The following PDE4D variants were observed in gnomAD, a reference collection of about 807,000 sequenced individuals.
PDE4D encodes phosphodiesterase 4D, also known as 3',5'-cyclic-AMP phosphodiesterase 4D.
Under a neutral mutation model 87.4 loss-of-function variants are expected in PDE4D, and 24 were observed. The observed-to-expected ratio is 0.27, with a 90% CI of 0.20 to 0.39. The LOEUF (loss-of-function observed/expected upper bound fraction) is 0.39, where lower values mean the gene tolerates loss of function less well. Among genes scored for constraint, PDE4D ranks in the 10% least tolerant of loss-of-function variants. The probability of loss-of-function intolerance (pLI) is 1.00; values close to 1 mark genes in which losing one functional copy is unlikely to be tolerated. For missense variants in PDE4D, 714 were observed against 1,041.0 expected (o/e 0.69, Z 4.32); for synonymous variants, 384 against 383.2 (o/e 1.00, Z -0.02).
intron 1 of PDE4D, among the ~76,000 whole-genome samples, chr5:59,881,895 A>C (rs763126013): frequency 1.3e-5 from 2 of 152,240 alleles, no homozygotes; most frequent in Non-Finnish European, 2.9e-5. Flanking sequence ...GCTTGAATCA[A>C]GATCTGAAGT....
At chr5:59,400,744 AT>A (rs1443301874) in intron 1 of PDE4D, among the ~76,000 whole-genome samples, 1 of 52,176 alleles carries the variant, frequency 1.9e-5, no homozygotes, top group Admixed American at 1.7e-4. Flanking sequence ...AATAAAAAAA[AT>A]AAAAAAATAA....
At chr5:59,764,557 T>G (rs1018011726) in intron 1 of PDE4D, among the ~76,000 whole-genome samples, 1 of 151,564 alleles carries the variant, frequency 6.6e-6, no homozygotes, top group African/African-American at 2.4e-5. Context: ...AAATGGATCA[T>G]GAAAACCCAA....
rs754869518 is a variant in PDE4D at position 59,754,797 on chromosome 5, ATTTTTTTT to A, written c.455+138363_455+138370del. 1.0e-4 allele frequency among the ~76,000 whole-genome samples: 10 copies of A among 96,912 alleles called. 1 individual carries two copies. The highest frequency in any genetic ancestry group is 2.9e-4 in the African/African-American group (7 of 24,126). The allele number at this position is 96,912 out of a possible 152,430, so 63.6% of individuals were successfully genotyped here. On this transcript the variant is annotated intron_variant, in intron 1 of 14. Coordinates refer to ENST00000340635, the MANE Select transcript of PDE4D (RefSeq NM_001104631.2). ...GCAGGTACAGAATTTTCCACAGAAC[ATTTTTTTT>A]TTTTTTTTTTTTTTTTTTTTGCATC...
At chr5:59,516,004 G>A (rs1002878847) in intron 1 of PDE4D, among the ~76,000 whole-genome samples, 5 of 152,150 alleles carry the variant, frequency 3.3e-5, no homozygotes, top group African/African-American at 1.2e-4. Context: ...GAACTTTACG[G>A]TGAAATAAAA....
chr5:60,352,232 A>G (rs1388573264), intron 1 of PDE4D, among the ~76,000 whole-genome samples: 1 of 152,206 alleles, frequency 6.6e-6, no homozygotes, highest in Non-Finnish European at 1.5e-5. Context: ...CCCAAGGCAC[A>G]GTAGTGAGCC....
chr5:59,230,348 G>A (rs1754886072), intron 1 of PDE4D, among the ~76,000 whole-genome samples: 1 of 152,100 alleles, frequency 6.6e-6, no homozygotes, highest in African/African-American at 2.4e-5. Context: ...TTGAAGAGGG[G>A]TGATCTTCAA....
intron 5 of PDE4D, among the ~76,000 whole-genome samples, chr5:59,099,513 TTA>T (rs1770363961): frequency 6.6e-6 from 1 of 152,186 alleles, no homozygotes; most frequent in Non-Finnish European, 1.5e-5. Context: ...ATGTACATGT[TTA>T]CATGGCCACT....
At chr5:60,208,815 G>A (rs1018927083) in intron 1 of PDE4D, among the ~76,000 whole-genome samples, 2 of 151,996 alleles carry the variant, frequency 1.3e-5, no homozygotes, top group African/African-American at 4.8e-5. Context: ...TTTGAGAACC[G>A]TTATCCTAGA....
chr5:59,566,490 C>G (rs983997913), intron 1 of PDE4D, among the ~76,000 whole-genome samples: 8 of 150,786 alleles, frequency 5.3e-5, no homozygotes, highest in African/African-American at 2.0e-4. Context: ...ATTTTTGAAC[C>G]CTGTGTGTCT....
At chr5:59,075,075 A>AACACACACACAC (rs70973189) in intron 5 of PDE4D, among the ~76,000 whole-genome samples, 24 of 129,796 alleles carry the variant, frequency 1.8e-4, no homozygotes, top group African/African-American at 5.8e-4. Context: ...AAGCTTACAA[A>AACACACACACAC]ACACACACAC....
At chr5:59,862,879 C>T (rs138557886) in intron 1 of PDE4D, among the ~76,000 whole-genome samples, 19 of 152,206 alleles carry the variant, frequency 1.2e-4, no homozygotes, top group Middle Eastern at 3.4e-3. Flanking sequence ...AAAAGGGCAA[C>T]GGAAAATTAC....
chr5:60,379,052 G>T (rs1317235579), intron 1 of PDE4D, among the ~76,000 whole-genome samples: 2 of 152,098 alleles, frequency 1.3e-5, no homozygotes, highest in African/African-American at 4.8e-5. Flanking sequence ...TGGTTACCCT[G>T]CCTTGGACAA....
intron 1 of PDE4D, among the ~76,000 whole-genome samples, chr5:59,265,197 C>T (rs1184861354): frequency 1.3e-5 from 2 of 151,960 alleles, no homozygotes; most frequent in African/African-American, 4.8e-5. Context: ...AGAGATAATG[C>T]TCAGGTAGCT....
At chr5:59,034,447 G>A (rs1758141536) in intron 6 of PDE4D, among the ~76,000 whole-genome samples, 1 of 152,104 alleles carries the variant, frequency 6.6e-6, no homozygotes, top group Non-Finnish European at 1.5e-5. Flanking sequence ...TTACACTGTA[G>A]TTGCATAATG....
intron 1 of PDE4D, among the ~76,000 whole-genome samples, chr5:59,639,418 C>T (rs1356277681): frequency 6.7e-6 from 1 of 149,992 alleles, no homozygotes; most frequent in African/African-American, 2.5e-5. Flanking sequence ...AGAGAAAAGA[C>T]TAAAAGACTA....
intron 2 of PDE4D, among the ~76,000 whole-genome samples, chr5:60,077,541 C>T (rs926862884): frequency 2.6e-5 from 4 of 152,100 alleles, no homozygotes; most frequent in African/African-American, 9.7e-5. Context: ...AGGCTGGGGC[C>T]CCTGGAGAGG....
At chr5:59,212,119 G>A (rs143468172) in intron 2 of PDE4D, among the ~76,000 whole-genome samples, 124 of 152,088 alleles carry the variant, frequency 8.2e-4, no homozygotes, top group African/African-American at 2.8e-3. Flanking sequence ...TCTATAAAGC[G>A]CAGTTGAATT....
rs1047598945 is a variant in PDE4D at position 59,435,082 on chromosome 5, A to G, written c.456-219114T>C. Among the ~76,000 whole-genome samples the G allele has an allele frequency of 4.6e-5, 7 of 152,196 alleles. 1 individual carries two copies. In the South Asian group the frequency reaches 1.5e-3, roughly 32 times the overall value. Reference sequence around the variant, plus strand: ...TTCATCTGATTCCAGAGACCAGACTATATCTTCTACCTCTCTACACATTCT... The same window carrying G: ...TTCATCTGATTCCAGAGACCAGACTGTATCTTCTACCTCTCTACACATTCT... On this transcript the variant is annotated intron_variant, in intron 1 of 14. Transcript: ENST00000340635.
At chr5:60,229,484 T>C (rs1237733945) in intron 1 of PDE4D, among the ~76,000 whole-genome samples, 1 of 152,102 alleles carries the variant, frequency 6.6e-6, no homozygotes, top group Middle Eastern at 3.2e-3. Flanking sequence ...CGCTAAAGAA[T>C]AAAAGAAAAA....
Sources: gnomAD v4.1 joint callset for allele counts (sites outside exome capture counted in the v4.1 genomes callset) on GRCh38, gnomAD v4.1.1 for gene constraint, MANE v1.5 for transcripts, NCBI Gene and HGNC (gene_info 2026-07-23, HGNC 2026-07-21) for gene names.